Variants in GAN observed in about 807,000 individuals in gnomAD.
The protein encoded by GAN is epididymis secretory sperm binding protein.
Under a neutral mutation model 71.3 loss-of-function variants are expected in GAN, and 48 were observed. The ratio of observed to expected loss-of-function variants is 0.67; its 90% CI spans 0.53 to 0.86. GAN has a LOEUF of 0.86. Among genes scored for constraint, GAN ranks in the 40% least tolerant of loss-of-function variants. The probability of loss-of-function intolerance (pLI) is 0.00; values close to 1 mark genes in which losing one functional copy is unlikely to be tolerated. For synonymous variants in GAN, 386 were observed against 276.8 expected (o/e 1.39, Z -3.92); for missense variants, 928 against 770.1 (o/e 1.21, Z -2.43).
At chr16:81,363,758 G>A (rs1910755916) in intron 6 of GAN, 36 bp from the exon 7 acceptor site, 3 of 1,603,970 alleles carry the variant, frequency 1.9e-6, no homozygotes, top group Admixed American at 1.7e-5. Context: ...ATGATCATTG[G>A]CCTTGTGTGT....
intron 2 of GAN, among the ~76,000 whole-genome samples, chr16:81,353,279 G>C (rs1017711727): frequency 8.2e-6 from 1 of 121,654 alleles, no homozygotes; most frequent in Admixed American, 8.6e-5. Context: ...GCGACAGAGC[G>C]AGACTCCGTC....
chr16:81,363,706 T>G, intron 6 of GAN, 88 bp from the exon 7 acceptor site: 1 of 1,367,208 alleles, frequency 7.3e-7, no homozygotes, highest in Non-Finnish European at 1.0e-6. Flanking sequence ...CATCTTTATG[T>G]TTCTCTAATT....
At chr16:81,325,368 G>A (rs768164779) in intron 1 of GAN, among the ~76,000 whole-genome samples, 1 of 152,188 alleles carries the variant, frequency 6.6e-6, no homozygotes, top group Non-Finnish European at 1.5e-5. Context: ...GGTGAAAGGG[G>A]ACAGCAGGGC....
At chr16:81,360,835 A>T (rs1315326983) in intron 5 of GAN, among the ~76,000 whole-genome samples, 1 of 152,184 alleles carries the variant, frequency 6.6e-6, no homozygotes, top group African/African-American at 2.4e-5. Flanking sequence ...TCTTTGCAAG[A>T]CTACTTCCTA....
intron 1 of GAN, among the ~76,000 whole-genome samples, chr16:81,331,598 C>T (rs1567481635): frequency 6.6e-6 from 1 of 152,148 alleles, no homozygotes; most frequent in Non-Finnish European, 1.5e-5. Context: ...AGGCAAAGTC[C>T]AAGTTTGCTT....
rs1231224951 is a variant in GAN at position 81,375,825 on chromosome 16, C to G, written c.1503-1394C>G. On this transcript the variant is annotated intron_variant, in intron 9 of 10. Transcript: ENST00000648994. ...TATGGAAAAAAAAAAAATTCATTAG[C>G]TGGGTGTGGTGGTGTGCACCTGTGG... Among the ~76,000 whole-genome samples, 4 of 151,614 alleles carry G rather than the reference C, an allele frequency of 2.6e-5. No individual in the cohort carries two copies. The East Asian group carries it at 7.7e-4, about 29-fold the overall frequency.
At chr16:81,319,347 A>G (rs959128170) in intron 1 of GAN, among the ~76,000 whole-genome samples, 1 of 151,290 alleles carries the variant, frequency 6.6e-6, no homozygotes, top group East Asian at 1.9e-4. Flanking sequence ...CAGGAAATTT[A>G]TTTTTCTTTT....
chr16:81,368,220 C>T (rs547407373), intron 9 of GAN, among the ~76,000 whole-genome samples: 3 of 152,036 alleles, frequency 2.0e-5, no homozygotes, highest in Non-Finnish European at 4.4e-5. Context: ...CTTCATATAC[C>T]CAGAATGACG....
rs1404347457 is a variant in GAN, at chr16:81,314,975, A to T, written c.-139A>T. ...CCAGCGCGCCGCGGATAGCACAGGC[A>T]CGTCCCGGGGGCTCCAGCTTCTGCT... is the stretch of plus-strand genomic sequence containing the variant. On this transcript the variant is annotated 5_prime_UTR_variant, in exon 1 of 11. Coordinates refer to ENST00000648994, the MANE Select transcript of GAN (RefSeq NM_022041.4). 1 of 671,078 alleles carries T rather than the reference A, an allele frequency of 1.5e-6. No individual in the cohort carries two copies. The highest frequency in any genetic ancestry group is 2.2e-6 in the Non-Finnish European group (1 of 455,494). The allele number at this position is 671,078 out of a possible 1,614,324, so 41.6% of individuals were successfully genotyped here. A position where few individuals can be genotyped will look rare whatever the true frequency, so the allele number is the denominator to read the frequency against.
intron 1 of GAN, among the ~76,000 whole-genome samples, chr16:81,346,636 G>C (rs1413037290): frequency 6.6e-6 from 1 of 152,204 alleles, no homozygotes; most frequent in African/African-American, 2.4e-5. Flanking sequence ...CCCTTCTGTG[G>C]AAAGATTGTC....
chr16:81,373,146 G>A (rs569783995), intron 9 of GAN, among the ~76,000 whole-genome samples: 1 of 152,300 alleles, frequency 6.6e-6, no homozygotes, highest in Non-Finnish European at 1.5e-5. Context: ...TAAAAATGGT[G>A]TTCTTCAGGA....
intron 9 of GAN, among the ~76,000 whole-genome samples, chr16:81,371,185 G>T (rs889746): frequency 1.3e-5 from 2 of 151,978 alleles, no homozygotes; most frequent in Non-Finnish European, 2.9e-5. Context: ...TAAATTTTCT[G>T]TGCTGAAATT....
In GAN at chr16:81,363,642, C is replaced by T. The variant is rs112736271; in HGVS notation, c.1087-152C>T. 1.1e-5 allele frequency: 8 copies of T among 752,628 alleles called. 1 individual carries two copies. The highest frequency in any genetic ancestry group is 1.0e-4 in the African/African-American group (6 of 57,812). 46.6% of individuals were successfully genotyped at this position (752,628 alleles called of 1,614,324 possible). A position where few individuals can be genotyped will look rare whatever the true frequency, so the allele number is the denominator to read the frequency against. ...CGTACCCAATAGTTAGTGTTTCAGC[C>T]CTTGCTCCTCTCCCTGTCTCCTTGC... On this transcript the variant is annotated intron_variant, in intron 6 of 10. Coordinates refer to ENST00000648994, the MANE Select transcript of GAN (RefSeq NM_022041.4).
chr16:81,367,622 G>T (rs1300555016), intron 9 of GAN, among the ~76,000 whole-genome samples: 1 of 152,186 alleles, frequency 6.6e-6, no homozygotes, highest in Non-Finnish European at 1.5e-5. Context: ...GAAGAAAGCT[G>T]TTAATTTATC....
chr16:81,351,838 A>C (rs1910310579), intron 2 of GAN, 141 bp downstream of exon 2: 2 of 706,854 alleles, frequency 2.8e-6, no homozygotes, highest in African/African-American at 3.5e-5. Context: ...GACATTTCCT[A>C]CTGGTAATGG....
intron 10 of GAN, 35 bp downstream of exon 10, chr16:81,377,363 T>G (rs772786417): frequency 6.3e-7 from 1 of 1,591,754 alleles, no homozygotes; most frequent in African/African-American, 1.3e-5. Flanking sequence ...TGGAACTGTT[T>G]CCTGGTGATT....
chr16:81,317,816 AC>A (rs2150665154), intron 1 of GAN, among the ~76,000 whole-genome samples: 1 of 152,334 alleles, frequency 6.6e-6, no homozygotes, highest in East Asian at 1.9e-4. Context: ...ACTTTTACAT[AC>A]TGTGTCATTT....
rs1378809926 is a variant in GAN at position 81,377,701 on chromosome 16, T to TG, written c.*107dup. On this transcript the variant is annotated 3_prime_UTR_variant, in exon 11 of 11. Transcript: ENST00000648994. The stretch of plus-strand genomic sequence containing the variant: ...CTGAAACTCACTCTGTGCTGGGCTT[T>TG]GGTATGGTAACTCTTTGGTGGTTTT... 5 of 1,026,756 alleles carry TG rather than the reference T, an allele frequency of 4.9e-6. No homozygotes were observed. The highest frequency in any genetic ancestry group is 7.7e-6 in the Non-Finnish European group (5 of 647,946). The allele number at this position is 1,026,756 out of a possible 1,614,324, so 63.6% of individuals were successfully genotyped here.
At chr16:81,362,304 A>C (rs1164312996) in intron 5 of GAN, among the ~76,000 whole-genome samples, 195 bp from the exon 6 acceptor site, 2 of 152,212 alleles carry the variant, frequency 1.3e-5, no homozygotes, top group Non-Finnish European at 2.9e-5. Flanking sequence ...GACAGTAATG[A>C]GTAAAGCAAA....
Sources: gnomAD v4.1 joint callset for allele counts (sites outside exome capture counted in the v4.1 genomes callset) on GRCh38, gnomAD v4.1.1 for gene constraint, MANE v1.5 for transcripts, NCBI Gene and HGNC (gene_info 2026-07-23, HGNC 2026-07-21) for gene names.